The following LAMA2 variants were observed in gnomAD, a reference collection of about 807,000 sequenced individuals.
The protein encoded by LAMA2 is laminin subunit alpha 2.
Under a neutral mutation model 364.8 loss-of-function variants are expected in LAMA2, and 269 were observed. The observed-to-expected ratio is 0.74, with a 90% CI of 0.67 to 0.82. The LOEUF (loss-of-function observed/expected upper bound fraction) is 0.82. Among genes scored for constraint, LAMA2 ranks in the 40% least tolerant of loss-of-function variants. The pLI, the probability that LAMA2 is intolerant of heterozygous loss-of-function variation, is 0.00. For synonymous variants in LAMA2, 1,379 were observed against 1,370.6 expected, an observed-to-expected ratio of 1.01 and a Z score of -0.14; for missense variants, 3,807 against 3,873.2, an observed-to-expected ratio of 0.98 and a Z score of 0.45.
chr6:128,929,354 C>T (rs1178484669), intron 1 of LAMA2: 6 of 1,080,070 alleles, frequency 5.6e-6, no homozygotes, highest in Non-Finnish European at 8.6e-6. Context: ...TGGGGTGAGA[C>T]CTCGAGAGAA....
At chr6:129,297,658 A>G (rs1335152521) in intron 20 of LAMA2, 27 bp from the exon 21 acceptor site, 2 of 1,610,018 alleles carry the variant, frequency 1.2e-6, no homozygotes, top group Non-Finnish European at 1.7e-6. Flanking sequence ...ATTTAAATTT[A>G]ATTTTTCTCT....
intron 64 of LAMA2, 115 bp from the exon 65 acceptor site, chr6:129,516,065 ACCACTAACTT>A (rs1243002001): frequency 1.8e-6 from 2 of 1,115,302 alleles, no homozygotes; most frequent in Non-Finnish European, 2.7e-6. Flanking sequence ...TAAAAACAAA[ACCACTAACTT>A]TGCATAAAAC....
At chr6:129,091,855 C>T (rs995660300) in intron 3 of LAMA2, among the ~76,000 whole-genome samples, 3 of 152,172 alleles carry the variant, frequency 2.0e-5, no homozygotes, top group African/African-American at 4.8e-5. Context: ...TGATGCTTGA[C>T]TTAAACAAGT....
intron 28 of LAMA2, among the ~76,000 whole-genome samples, chr6:129,322,579 G>T (rs1159838255): frequency 3.3e-5 from 5 of 152,142 alleles, no homozygotes; most frequent in Admixed American, 3.3e-4. Flanking sequence ...ATGACAGATT[G>T]AGTTGAAGTT....
chr6:129,085,481 A>G lies in LAMA2; in HGVS notation c.397-12692A>G, dbSNP rs77731063. Among the ~76,000 whole-genome samples the G allele has an allele frequency of 9.0e-3, 1,370 of 152,296 alleles. 10 individuals carry two copies. Among genetic ancestry groups the G allele is most frequent in the Non-Finnish European group, 0.014 (958 of 68,020 alleles). ...CTTCTCCTTTTTTGCCTCCTGTAGCATGAGTCCTAGTTTGATTAAACTAGA... is the reference window on the plus strand; with the variant it reads ...CTTCTCCTTTTTTGCCTCCTGTAGCGTGAGTCCTAGTTTGATTAAACTAGA... On this transcript the variant is annotated intron_variant, in intron 3 of 64. Transcript: ENST00000421865.
chr6:128,971,066 C>A (rs765323751), intron 1 of LAMA2, among the ~76,000 whole-genome samples: 2 of 152,142 alleles, frequency 1.3e-5, no homozygotes, highest in Non-Finnish European at 1.5e-5. Context: ...AAGATTTGTG[C>A]GTCCTTAGCT....
intron 1 of LAMA2, among the ~76,000 whole-genome samples, chr6:128,883,874 A>C (rs1775993989): frequency 6.6e-6 from 1 of 151,436 alleles, no homozygotes; most frequent in South Asian, 2.1e-4. Flanking sequence ...CTTTGTTTTC[A>C]ACTTTTAAAA....
At chr6:128,971,898 G>A (rs9375605) in intron 1 of LAMA2, among the ~76,000 whole-genome samples, 91,268 of 151,960 alleles carry the variant, frequency 0.6, 30,861 homozygotes, top group East Asian at 0.82. Flanking sequence ...TCAGGGTCAG[G>A]AGGCTCTCAT....
chr6:129,020,653 C>T (rs542415579), intron 1 of LAMA2, among the ~76,000 whole-genome samples: 14 of 152,230 alleles, frequency 9.2e-5, no homozygotes, highest in East Asian at 1.9e-4. Context: ...CGTGGTGTCC[C>T]GGGAGTTTCC....
intron 1 of LAMA2, among the ~76,000 whole-genome samples, chr6:128,883,807 C>T (rs377473351): frequency 1.1e-3 from 109 of 101,952 alleles, no homozygotes; most frequent in South Asian, 2.9e-3. Context: ...TATATACACA[C>T]ACACACACAC....
intron 1 of LAMA2, among the ~76,000 whole-genome samples, chr6:128,989,296 A>C (rs1274539199): frequency 6.6e-6 from 1 of 152,222 alleles, no homozygotes; most frequent in African/African-American, 2.4e-5. Flanking sequence ...GTTAAAGAGG[A>C]GAAAGGGGTG....
intron 34 of LAMA2, among the ~76,000 whole-genome samples, chr6:129,380,511 C>T (rs1778621197): frequency 6.6e-6 from 1 of 152,222 alleles, no homozygotes; most frequent in East Asian, 1.9e-4. Context: ...AAGTAATTCT[C>T]AAATCCATGG....
intron 44 of LAMA2, among the ~76,000 whole-genome samples, chr6:129,443,574 G>A (rs375562373): frequency 1.3e-5 from 2 of 152,088 alleles, no homozygotes; most frequent in Non-Finnish European, 2.9e-5. Context: ...AAATAGATAA[G>A]GTCTACACTG....
chr6:128,923,374 T>A (rs1029906705), intron 1 of LAMA2, among the ~76,000 whole-genome samples: 4 of 151,488 alleles, frequency 2.6e-5, no homozygotes, highest in African/African-American at 9.7e-5. Context: ...TTGTATCCTC[T>A]TTTATTTCCT....
rs530290783 is a variant in LAMA2 at position 128,920,863 on chromosome 6, G to A, written c.112+37506G>A. Reference sequence around the variant, plus strand: ...GATGTTGAGAGTATGAAGCACTATAGCAAGGGAGAAGAAAAGAAAGAGAGA... The same window carrying A: ...GATGTTGAGAGTATGAAGCACTATAACAAGGGAGAAGAAAAGAAAGAGAGA... On this transcript the variant is annotated intron_variant, in intron 1 of 64. Transcript: ENST00000421865. Among the ~76,000 whole-genome samples, 3 of 152,198 alleles carry A rather than the reference G, an allele frequency of 2.0e-5. No homozygotes were observed. The East Asian group carries it at 5.8e-4, about 29-fold the overall frequency.
intron 34 of LAMA2, among the ~76,000 whole-genome samples, chr6:129,374,036 G>T (rs752581596): frequency 1.1e-4 from 16 of 152,146 alleles, no homozygotes; most frequent in Admixed American, 2.6e-4. Context: ...CACTTTGATG[G>T]GTTGAGAAGG....
chr6:129,364,598 A>G (rs1184198845), intron 32 of LAMA2, among the ~76,000 whole-genome samples: 2 of 152,218 alleles, frequency 1.3e-5, no homozygotes, highest in Non-Finnish European at 2.9e-5. Flanking sequence ...TTTGGAAATT[A>G]TACGACTATT....
At chr6:129,240,173 A>G (rs1162371088) in intron 12 of LAMA2, among the ~76,000 whole-genome samples, 1 of 152,192 alleles carries the variant, frequency 6.6e-6, no homozygotes, top group Non-Finnish European at 1.5e-5. Context: ...GCGCAATTCT[A>G]GACCTTCCAC....
chr6:129,108,665 C>T (rs546511380), intron 4 of LAMA2, among the ~76,000 whole-genome samples: 2 of 152,192 alleles, frequency 1.3e-5, no homozygotes, highest in East Asian at 1.9e-4. Context: ...ATCCCAAAAG[C>T]TAATAGCAAT....
Sources: gnomAD v4.1 joint callset for allele counts (sites outside exome capture counted in the v4.1 genomes callset) on GRCh38, gnomAD v4.1.1 for gene constraint, MANE v1.5 for transcripts, NCBI Gene and HGNC (gene_info 2026-07-23, HGNC 2026-07-21) for gene names.